ZKSCAN4: variants seen among roughly 807,000 people sequenced by gnomAD.
The protein encoded by ZKSCAN4 is zinc finger protein with KRAB and SCAN domains 4.
In ZKSCAN4, 23 loss-of-function variants were observed where a neutral mutation model predicts 30.8. The observed-to-expected ratio is 0.75, with a 90% CI of 0.54 to 1.06. The LOEUF is 1.06. Among genes scored for constraint, ZKSCAN4 ranks in the 50% least tolerant of loss-of-function variants. The probability of loss-of-function intolerance (pLI) is 0.00; values close to 1 mark genes in which losing one functional copy is unlikely to be tolerated. For synonymous variants in ZKSCAN4, 208 were observed against 252.5 expected (o/e 0.82, Z 1.67); for missense variants, 556 against 665.4 (o/e 0.84, Z 1.81).
rs1474317888 is a variant in ZKSCAN4, at chr6:28,250,349, G to A, written c.424-515C>T. ...CTCCCAAAGTGCTGGGATTACAGGCGTGAGCCACTGCACCCAGCCAAGGGT... is the reference window on the plus strand; with the variant it reads ...CTCCCAAAGTGCTGGGATTACAGGCATGAGCCACTGCACCCAGCCAAGGGT... On this transcript the variant is annotated intron_variant, in intron 1 of 4. Transcript: ENST00000377294. Among the ~76,000 whole-genome samples the A allele has an allele frequency of 2.0e-5, 3 of 152,124 alleles. 1 individual carries two copies. Among genetic ancestry groups the A allele is most frequent in the South Asian group, 4.2e-4 (2 of 4,816 alleles).
chr6:28,246,628 T>A (rs571446746), intron 4 of ZKSCAN4, among the ~76,000 whole-genome samples: 88 of 152,142 alleles, frequency 5.8e-4, no homozygotes, highest in African/African-American at 2.1e-3. Context: ...TCTGAATCCA[T>A]GGCCCATTTC....
chr6:28,255,849 G>A (rs897742067), upstream of ZKSCAN4, among the ~76,000 whole-genome samples: 11 of 152,206 alleles, frequency 7.2e-5, no homozygotes, highest in African/African-American at 2.7e-4. Context: ...AGGGAAAGGG[G>A]TGCCTGATGA....
At position 28,249,499 on chromosome 6, in the gene ZKSCAN4, A is replaced by AT. The variant is rs931861730; in HGVS notation, c.571+187dup. 6.6e-6 allele frequency among the ~76,000 whole-genome samples: 1 copy of AT among 152,144 alleles called. No individual in the cohort carries two copies. The highest frequency in any genetic ancestry group is 2.4e-5 in the African/African-American group (1 of 41,410). ...TAGACATCAATTTTAATAAAATCAG[A>AT]TTTACTATGTCCTAGTTTGGTTAGG... On this transcript the variant is annotated intron_variant, in intron 2 of 4. Coordinates refer to ENST00000377294, the MANE Select transcript of ZKSCAN4 (RefSeq NM_019110.5). The surrounding 1 kb of genome is among the most constrained non-coding windows in gnomAD (Gnocchi z 4.1).
chr6:28,245,205 A>C lies in ZKSCAN4; in HGVS notation c.1549T>G (p.Cys517Gly). The C allele has an allele frequency of 6.2e-7, 1 of 1,614,198 alleles. No homozygotes were observed. The highest frequency in any genetic ancestry group is 1.1e-5 in the South Asian group (1 of 91,086). ...KIHTGEKPYQ[C>G]DTCGKGFTRT... Reference sequence around the variant, plus strand: ...GTGAAACCTTTTCCACATGTGTCACACTGATAGGGTTTCTCACCAGTGTGG... The same window carrying C: ...GTGAAACCTTTTCCACATGTGTCACCCTGATAGGGTTTCTCACCAGTGTGG... The change falls in exon 5 of 5, where the codon TGT (cysteine) becomes GGT (glycine). Residue 517 changes from cysteine (C) to glycine (G), a missense_variant. Coordinates refer to ENST00000377294, the MANE Select transcript of ZKSCAN4 (RefSeq NM_019110.5).
Position 28,245,114 on chromosome 6 carries a change from G to A in ZKSCAN4, c.*2C>T. ...CACCAATGTTGGCATGAATACCATG[G>A]GTCACTGTGAAAGAGTTTTTTTCCC... On this transcript the variant is annotated 3_prime_UTR_variant, in exon 5 of 5. Transcript: ENST00000377294. 6.2e-7 allele frequency: 1 copy of A among 1,613,982 alleles called. No individual in the cohort carries two copies. The highest frequency in any genetic ancestry group is 1.3e-5 in the African/African-American group (1 of 74,992).
At position 28,246,095 on chromosome 6, in the gene ZKSCAN4, A is replaced by T. The variant is rs1760721840; in HGVS notation, c.779-120T>A. ...TATATATGCCCAGGATGAGGATTTAAGTGCTAGAATAAGAATGGGAATAAA... is the reference window on the plus strand; with the variant it reads ...TATATATGCCCAGGATGAGGATTTATGTGCTAGAATAAGAATGGGAATAAA... On this transcript the variant is annotated intron_variant, in intron 4 of 4. Transcript: ENST00000377294. The T allele has an allele frequency of 2.2e-6, 3 of 1,359,118 alleles. No homozygotes were observed. In the South Asian group the frequency reaches 4.0e-5, roughly 18 times the overall value. The allele number at this position is 1,359,118 out of a possible 1,614,324, so 84.2% of individuals were successfully genotyped here. A position where few individuals can be genotyped will look rare whatever the true frequency, so the allele number is the denominator to read the frequency against.
intron 1 of ZKSCAN4, among the ~76,000 whole-genome samples, chr6:28,250,044 AT>A (rs200273264): frequency 6.7e-6 from 1 of 148,754 alleles, no homozygotes. Flanking sequence ...AGTGGACAGC[AT>A]TTTTTTTGTT....
In ZKSCAN4 at chr6:28,242,025, G is replaced by C. The variant is rs1322882311; in HGVS notation, c.*3091C>G. Among the ~76,000 whole-genome samples, 1 of 152,048 alleles carries C rather than the reference G, an allele frequency of 6.6e-6. No homozygotes were observed. Among genetic ancestry groups the C allele is most frequent in the Non-Finnish European group, 1.5e-5 (1 of 68,008 alleles). ...CATTATAACCATTCATTCTATCGAA[G>C]TAGAAAAAGTGCTATAACCATTTAC... On this transcript the variant is annotated 3_prime_UTR_variant, in exon 5 of 5. Coordinates refer to ENST00000377294, the MANE Select transcript of ZKSCAN4 (RefSeq NM_019110.5).
chr6:28,251,340 T>G lies in ZKSCAN4; in HGVS notation c.423+218A>C. 1 of 711,452 alleles carries G rather than the reference T, an allele frequency of 1.4e-6. No homozygotes were observed. The highest frequency in any genetic ancestry group is 2.3e-6 in the Non-Finnish European group (1 of 433,232). 44.1% of individuals were successfully genotyped at this position (711,452 alleles called of 1,614,324 possible). A position where few individuals can be genotyped will look rare whatever the true frequency, so the allele number is the denominator to read the frequency against. On this transcript the variant is annotated intron_variant, in intron 1 of 4. Coordinates refer to ENST00000377294, the MANE Select transcript of ZKSCAN4 (RefSeq NM_019110.5). This position sits in a 1 kb window ranked among gnomAD's most constrained non-coding sequence, Gnocchi z 4.5. ...TAATTCTTTGCTAACTGTATGTCAA[T>G]ATAGTTGTGTTCTTTTGTAATCCTT...
upstream of ZKSCAN4, among the ~76,000 whole-genome samples, chr6:28,256,131 A>C (rs1209305338): frequency 6.6e-6 from 1 of 152,208 alleles, no homozygotes; most frequent in Non-Finnish European, 1.5e-5. Context: ...TTTTAAAATA[A>C]AAATTGGGAG....
At chr6:28,250,627 C>G (rs1344284244) in intron 1 of ZKSCAN4, among the ~76,000 whole-genome samples, 1 of 152,184 alleles carries the variant, frequency 6.6e-6, no homozygotes, top group Admixed American at 6.5e-5. Flanking sequence ...TAAATAAGAT[C>G]ACAGTATGTG....
chr6:28,244,742 C>A lies in ZKSCAN4; in HGVS notation c.*374G>T. On this transcript the variant is annotated 3_prime_UTR_variant, in exon 5 of 5. Coordinates refer to ENST00000377294, the MANE Select transcript of ZKSCAN4 (RefSeq NM_019110.5). Reference sequence around the variant, plus strand: ...GGATCTGACCAATTTGTGAAAGATTCATTAGAGGCAAAATGAATGGTCAGA... The same window carrying A: ...GGATCTGACCAATTTGTGAAAGATTAATTAGAGGCAAAATGAATGGTCAGA... The A allele has an allele frequency of 3.4e-6, 1 of 295,566 alleles. No homozygotes were observed. The highest frequency in any genetic ancestry group is 6.5e-6 in the Non-Finnish European group (1 of 153,476). 18.3% of individuals were successfully genotyped at this position (295,566 alleles called of 1,614,324 possible). A position where few individuals can be genotyped will look rare whatever the true frequency, so the allele number is the denominator to read the frequency against.
Position 28,249,565 on chromosome 6 carries a change from T to C in ZKSCAN4, c.571+122A>G. The C allele has an allele frequency of 8.4e-7, 1 of 1,194,184 alleles. No homozygotes were observed. 74.0% of individuals were successfully genotyped at this position (1,194,184 alleles called of 1,614,324 possible). A position where few individuals can be genotyped will look rare whatever the true frequency, so the allele number is the denominator to read the frequency against. ...TGTTTGAAATTTCTCTTAGTCTCAG[T>C]CTTAAAATACAGCTCTCTGTGATGA... On this transcript the variant is annotated intron_variant, in intron 2 of 4. Coordinates refer to ENST00000377294, the MANE Select transcript of ZKSCAN4 (RefSeq NM_019110.5). The surrounding 1 kb of genome is among the most constrained non-coding windows in gnomAD (Gnocchi z 4.1).
At position 28,243,522 on chromosome 6, in the gene ZKSCAN4, A is replaced by T. The variant is rs1033623207; in HGVS notation, c.*1594T>A. Among the ~76,000 whole-genome samples the T allele has an allele frequency of 1.4e-4, 22 of 152,342 alleles. No homozygotes were observed. Among genetic ancestry groups the T allele is most frequent in the African/African-American group, 4.8e-4 (20 of 41,572 alleles). On this transcript the variant is annotated 3_prime_UTR_variant, in exon 5 of 5. Transcript: ENST00000377294. ...CAGGTGATTTGGGTGAAAGCAGAAGATATCAAAAAATTCTTATTTCTTGTG... is the reference window on the plus strand; with the variant it reads ...CAGGTGATTTGGGTGAAAGCAGAAGTTATCAAAAAATTCTTATTTCTTGTG...
chr6:28,252,182 C>T lies in ZKSCAN4; in HGVS notation c.-202G>A, dbSNP rs1212119011. The T allele has an allele frequency of 1.6e-5, 7 of 444,154 alleles. No individual in the cohort carries two copies. Among genetic ancestry groups the T allele is most frequent in the Non-Finnish European group, 2.8e-5 (7 of 254,540 alleles). The allele number at this position is 444,154 out of a possible 1,614,324, so 27.5% of individuals were successfully genotyped here. On this transcript the variant is annotated 5_prime_UTR_variant, in exon 1 of 5. Transcript: ENST00000377294. ...CTTTGCAGGGTCGTCCTCTGCACCC[C>T]ACTCTGAATCCCACAGTAAGTATCA...
At chr6:28,246,883 G>T in intron 4 of ZKSCAN4, 86 bp downstream of exon 4, 1 of 1,426,186 alleles carries the variant, frequency 7.0e-7, no homozygotes, top group South Asian at 1.5e-5. Flanking sequence ...ACATAATGGG[G>T]GCTTAACAGC....
Position 28,244,363 on chromosome 6 carries a change from CATA to C in ZKSCAN4, c.*750_*752del, listed in dbSNP as rs1276041361. Among the ~76,000 whole-genome samples the C allele has an allele frequency of 6.6e-6, 1 of 152,146 alleles. No individual in the cohort carries two copies. Among genetic ancestry groups the C allele is most frequent in the East Asian group, 1.9e-4 (1 of 5,198 alleles). Reference sequence around the variant, plus strand: ...GAGTAGCAAAATTAATGTAAACTAACATAATTAACATTGACCAGACAGTGGAGT... The same window carrying C: ...GAGTAGCAAAATTAATGTAAACTAACATTAACATTGACCAGACAGTGGAGT... On this transcript the variant is annotated 3_prime_UTR_variant, in exon 5 of 5. Coordinates refer to ENST00000377294, the MANE Select transcript of ZKSCAN4 (RefSeq NM_019110.5).
chr6:28,246,911 G>A (rs749586189), intron 4 of ZKSCAN4, 58 bp downstream of exon 4: 6 of 1,561,780 alleles, frequency 3.8e-6, no homozygotes, highest in Non-Finnish European at 5.2e-6. Flanking sequence ...AGCCCAATAG[G>A]TTCTAATACG....
rs202026007 is a variant in ZKSCAN4 at position 28,243,659 on chromosome 6, C to CTTTTT, written c.*1456_*1457insAAAAA. ...ATGTGCTTCTGAACAGACACATTTTCTTTTCTTTTTTTTTTTTCTTTTTGA... is the reference window on the plus strand; with the variant it reads ...ATGTGCTTCTGAACAGACACATTTTCTTTTTTTTTCTTTTTTTTTTTTCTTTTTGA... On this transcript the variant is annotated 3_prime_UTR_variant, in exon 5 of 5. Coordinates refer to ENST00000377294, the MANE Select transcript of ZKSCAN4 (RefSeq NM_019110.5). Among the ~76,000 whole-genome samples, 2 of 148,894 alleles carry CTTTTT rather than the reference C, an allele frequency of 1.3e-5. No individual in the cohort carries two copies. The highest frequency in any genetic ancestry group is 5.0e-5 in the African/African-American group (2 of 39,968).
Sources: gnomAD v4.1 joint callset for allele counts (sites outside exome capture counted in the v4.1 genomes callset) on GRCh38, gnomAD v4.1.1 for gene constraint, Gnocchi (gnomAD v3.1) non-coding constraint, MANE v1.5 for transcripts, NCBI Gene and HGNC (gene_info 2026-07-23, HGNC 2026-07-21) for gene names.